The following DNAH17 variants were observed in gnomAD, a reference collection of about 807,000 sequenced individuals.
The protein encoded by DNAH17 is dynein axonemal heavy chain 17.
In DNAH17, 376 loss-of-function variants were observed where a neutral mutation model predicts 485.6. The observed-to-expected ratio is 0.77, with a 90% CI of 0.71 to 0.84. The LOEUF (loss-of-function observed/expected upper bound fraction) is 0.84, where lower values mean the gene tolerates loss of function less well. DNAH17 is among the 40% of genes least tolerant of loss of function. The probability of loss-of-function intolerance (pLI) is 0.00; values close to 1 mark genes in which losing one functional copy is unlikely to be tolerated. For missense variants in DNAH17, 6,370 were observed against 5,839.3 expected, an observed-to-expected ratio of 1.09 and a Z score of -2.96; for synonymous variants, 3,031 against 2,405.9, an observed-to-expected ratio of 1.26 and a Z score of -7.60.
intron 48 of DNAH17, among the ~76,000 whole-genome samples, chr17:78,481,972 G>C (rs76703115): frequency 0.013 from 1,916 of 152,052 alleles, 26 homozygotes; most frequent in South Asian, 0.057. Flanking sequence ...CCAAGATCAT[G>C]CTATTGCACT....
chr17:78,530,560 G>A (rs183585983), intron 20 of DNAH17, 48 bp from the exon 21 acceptor site: 26 of 1,564,390 alleles, frequency 1.7e-5, no homozygotes, highest in African/African-American at 1.3e-4. Context: ...CAAGCCTAGG[G>A]GGGGCGTCAG....
chr17:78,453,052 C>CA (rs1238315977), intron 65 of DNAH17, among the ~76,000 whole-genome samples: 1 of 152,192 alleles, frequency 6.6e-6, no homozygotes, highest in African/African-American at 2.4e-5. Flanking sequence ...CCAAGATTTG[C>CA]AAAATGCCTA....
intron 2 of DNAH17, 85 bp from the exon 3 acceptor site, chr17:78,572,979 A>G (rs563800817): frequency 2.4e-6 from 3 of 1,257,954 alleles, no homozygotes; most frequent in African/African-American, 1.6e-5. Flanking sequence ...GGGGGGTTCC[A>G]AAGACCCGGT....
In DNAH17 at chr17:78,543,866, G is replaced by A. The variant is rs2091675061; in HGVS notation, c.2523C>T (p.Ala841=). Residue 841 remains alanine, a synonymous_variant, in exon 17 of 81, where the codon GCC becomes GCT. Coordinates refer to ENST00000389840, the MANE Select transcript of DNAH17 (RefSeq NM_173628.4). ...CTGGGTGTTTCCTTACTGCAACCAT[G>A]GCTTGGATCTTCACTCCAGCATCCC... is the stretch of plus-strand genomic sequence containing the variant. ...AVRDAGVKIQ[A]MVAENAELFR... 3 of 1,613,908 alleles carry A rather than the reference G, an allele frequency of 1.9e-6. No individual in the cohort carries two copies. The highest frequency in any genetic ancestry group is 1.3e-5 in the African/African-American group (1 of 74,936).
intron 25 of DNAH17, chr17:78,522,512 G>A (rs76370847): frequency 0.054 from 17,423 of 322,286 alleles, 621 homozygotes; most frequent in South Asian, 0.088. Flanking sequence ...TCACGAGGAG[G>A]GACAAGACCC....
chr17:78,454,722 A>G lies in DNAH17; in HGVS notation c.10171-17T>C. On this transcript the variant is annotated splice_polypyrimidine_tract_variant and intron_variant, in intron 63 of 80. Transcript: ENST00000389840. ...GATGGGGACCTGCCCAGGGAGGCACACTTTCTTAGAGGGGGTAATGCGACC... is the reference window on the plus strand; with the variant it reads ...GATGGGGACCTGCCCAGGGAGGCACGCTTTCTTAGAGGGGGTAATGCGACC... 1 of 1,602,060 alleles carries G rather than the reference A, an allele frequency of 6.2e-7. No individual in the cohort carries two copies. The highest frequency in any genetic ancestry group is 8.5e-7 in the Non-Finnish European group (1 of 1,173,002).
intron 56 of DNAH17, 38 bp downstream of exon 56, chr17:78,466,617 G>T: frequency 1.3e-6 from 2 of 1,568,256 alleles, no homozygotes; most frequent in South Asian, 1.2e-5. Flanking sequence ...TTGTCCTCTG[G>T]GCTCTACACT....
At chr17:78,466,923 T>C in intron 55 of DNAH17, 107 bp from the exon 56 acceptor site, 1 of 1,277,378 alleles carries the variant, frequency 7.8e-7, no homozygotes. Context: ...CCTGCCGGGC[T>C]CAGCCGCCCA....
intron 80 of DNAH17, 149 bp downstream of exon 80, chr17:78,425,197 T>G (rs1184116681): frequency 1.4e-6 from 1 of 740,704 alleles, no homozygotes; most frequent in Non-Finnish European, 2.2e-6. Flanking sequence ...GGCTCTGACC[T>G]GCAGGCTGAT....
At position 78,507,552 on chromosome 17, in the gene DNAH17, C is replaced by T. The variant is rs777414781; in HGVS notation, c.4490G>A (p.Ser1497Asn). The part of the protein sequence containing the change: ...SIWFEVQRTW[S>N]HLESIFIGSE... ...GCCGATGAAGATGCTCTCCAGGTGGCTCCAGGTTCGCTGGACCTCAAACCA... is the reference window on the plus strand; with the variant it reads ...GCCGATGAAGATGCTCTCCAGGTGGTTCCAGGTTCGCTGGACCTCAAACCA... The change falls in exon 28 of 81, where the codon AGC becomes AAC. Residue 1497 changes from serine (S) to asparagine (N), a missense_variant. Transcript: ENST00000389840. 1 of 1,614,086 alleles carries T rather than the reference C, an allele frequency of 6.2e-7. No homozygotes were observed. Among genetic ancestry groups the T allele is most frequent in the South Asian group, 1.1e-5 (1 of 91,080 alleles).
chr17:78,551,511 C>CT lies in DNAH17; in HGVS notation c.2391+23dup, dbSNP rs748966450. Reference sequence around the variant, plus strand: ...AGCCCCAGGCCCCCACAAAGCCCCACTCTGTGCTCTGCCCCTTGCTTACCT... The same window carrying CT: ...AGCCCCAGGCCCCCACAAAGCCCCACTTCTGTGCTCTGCCCCTTGCTTACCT... On this transcript the variant is annotated intron_variant, in intron 16 of 80. Transcript: ENST00000389840. 5.0e-6 allele frequency: 8 copies of CT among 1,610,566 alleles called. No homozygotes were observed. The African/African-American group carries it at 1.1e-4, about 21-fold the overall frequency.
rs1222979229 is a variant in DNAH17, at chr17:78,500,386, C to G, written c.5559G>C (p.Lys1853Asn). 20 of 1,612,396 alleles carry G rather than the reference C, an allele frequency of 1.2e-5. No homozygotes were observed. Among genetic ancestry groups the G allele is most frequent in the Non-Finnish European group, 1.7e-5 (20 of 1,179,414 alleles). ...GAPAGPAGTG[K>N]TETTKDLGRA... ...TGCCCAGGTCCTTGGTCGTCTCAGT[C>G]TTGCCGGTCCCAGCGGGGCCGGCAG... Residue 1853 changes from lysine (K) to asparagine (N), a missense_variant, in exon 36 of 81, where the codon AAG (lysine) becomes AAC (asparagine). Lys to Asn is a moderately conservative substitution (Grantham distance 94). Coordinates refer to ENST00000389840, the MANE Select transcript of DNAH17 (RefSeq NM_173628.4).
intron 18 of DNAH17, among the ~76,000 whole-genome samples, chr17:78,538,184 T>C (rs2071865472): frequency 6.7e-6 from 1 of 150,194 alleles, no homozygotes; most frequent in African/African-American, 2.4e-5. Flanking sequence ...ATTGTTTCCA[T>C]TGTTCTGGGT....
chr17:78,469,611 G>A lies in DNAH17; in HGVS notation c.8512-728C>T, dbSNP rs184103163. 2.0e-5 allele frequency among the ~76,000 whole-genome samples: 3 copies of A among 152,296 alleles called. No homozygotes were observed. The East Asian group carries it at 5.8e-4, about 29-fold the overall frequency. On this transcript the variant is annotated intron_variant, in intron 54 of 80. Transcript: ENST00000389840. ...AGGAAAAGAATAAAAGAAGGGTGCA[G>A]GAGACCCAAAACCTTGAACAGAGCA...
chr17:78,434,602 A>G (rs1568045982), intron 74 of DNAH17, among the ~76,000 whole-genome samples: 1 of 151,656 alleles, frequency 6.6e-6, no homozygotes, highest in Non-Finnish European at 1.5e-5. Context: ...CCCAAACTCT[A>G]AAAACAACTG....
intron 54 of DNAH17, among the ~76,000 whole-genome samples, chr17:78,473,181 A>G (rs1038732171): frequency 1.3e-5 from 2 of 152,238 alleles, no homozygotes; most frequent in African/African-American, 4.8e-5. Flanking sequence ...AGCTCCCCCA[A>G]TACAATTCAG....
At chr17:78,450,542 C>G (rs2087502409) in intron 67 of DNAH17, 140 bp downstream of exon 67, 2 of 1,409,078 alleles carry the variant, frequency 1.4e-6, no homozygotes, top group Non-Finnish European at 1.9e-6. Flanking sequence ...AGCCCAGACC[C>G]CTTCTCCTGC....
intron 54 of DNAH17, among the ~76,000 whole-genome samples, chr17:78,470,069 CT>C (rs34298026): frequency 4.7e-4 from 44 of 93,380 alleles, no homozygotes; most frequent in African/African-American, 1.1e-3. Context: ...ATGTCTTACT[CT>C]TTTTTTTTTT....
chr17:78,442,782 C>T (rs1356878784), intron 71 of DNAH17, among the ~76,000 whole-genome samples: 2 of 152,180 alleles, frequency 1.3e-5, no homozygotes, highest in African/African-American at 2.4e-5. Flanking sequence ...ACATGCTGTG[C>T]GTCAGGGTTT....
Sources: allele counts gnomAD v4.1 joint callset (sites outside exome capture counted in the v4.1 genomes callset), GRCh38; gene constraint gnomAD v4.1.1; transcripts MANE v1.5; gene names NCBI Gene and HGNC (gene_info 2026-07-23, HGNC 2026-07-21).